The following SUMF1 variants were observed in gnomAD, a reference collection of about 807,000 sequenced individuals.
SUMF1 encodes formylglycine-generating enzyme.
In SUMF1, 48 loss-of-function variants were observed where a neutral mutation model predicts 47.6. The observed-to-expected ratio is 1.01, with a 90% CI of 0.80 to 1.28. The LOEUF (loss-of-function observed/expected upper bound fraction) is 1.28, where lower values mean the gene tolerates loss of function less well. Among genes scored for constraint, SUMF1 ranks in the 50% most tolerant of loss-of-function variants. The pLI is 0.00. For missense variants in SUMF1, 571 were observed against 485.4 expected, an observed-to-expected ratio of 1.18 and a Z score of -1.66; for synonymous variants, 230 against 192.1, an observed-to-expected ratio of 1.20 and a Z score of -1.63.
chr3:4,175,578 G>T (rs1011708328), intron 8 of SUMF1, among the ~76,000 whole-genome samples: 1 of 152,130 alleles, frequency 6.6e-6, no homozygotes, highest in African/African-American at 2.4e-5. Flanking sequence ...CCACAAAGAT[G>T]GGGAGAAACC....
At chr3:4,092,629 C>T (rs371162935) in intron 8 of SUMF1, among the ~76,000 whole-genome samples, 1 of 152,202 alleles carries the variant, frequency 6.6e-6, no homozygotes, top group East Asian at 1.9e-4. Flanking sequence ...ACAAGAAAAA[C>T]AACGAAAGTG....
At chr3:4,346,025 A>G (rs1348672590) in intron 8 of SUMF1, among the ~76,000 whole-genome samples, 2 of 151,716 alleles carry the variant, frequency 1.3e-5, no homozygotes, top group Middle Eastern at 6.3e-3. Context: ...CAGATTCATA[A>G]AACAAATTTT....
intron 8 of SUMF1, among the ~76,000 whole-genome samples, chr3:4,217,526 A>AAAATATATATATATTTCATATATATATAT (rs1553610100): frequency 1.0e-5 from 1 of 98,592 alleles, no homozygotes. Flanking sequence ...ATATATATAT[A>AAAATATATATATATTTCATATATATATAT]TATATATATA....
chr3:4,343,222 G>A (rs891988905), intron 8 of SUMF1, among the ~76,000 whole-genome samples: 6 of 152,154 alleles, frequency 3.9e-5, no homozygotes, highest in South Asian at 4.1e-4. Context: ...TACAGAACAC[G>A]ATTTTTTAAC....
chr3:4,458,839 G>A (rs1207113218), intron 1 of SUMF1, among the ~76,000 whole-genome samples: 1 of 152,106 alleles, frequency 6.6e-6, no homozygotes, highest in Non-Finnish European at 1.5e-5. Context: ...CTGGGCAACA[G>A]AGCTAGATTC....
At chr3:4,426,690 C>G (rs770721335) in intron 3 of SUMF1, among the ~76,000 whole-genome samples, 13 of 152,204 alleles carry the variant, frequency 8.5e-5, no homozygotes, top group Non-Finnish European at 1.9e-4. Flanking sequence ...AGAGCAGAAG[C>G]AGCAGCATGA....
At chr3:4,375,304 A>G (rs144182884) in intron 8 of SUMF1, among the ~76,000 whole-genome samples, 133 of 152,226 alleles carry the variant, frequency 8.7e-4, no homozygotes, top group Middle Eastern at 6.8e-3. Flanking sequence ...ACAAACTCAC[A>G]TATATACATA....
intron 8 of SUMF1, among the ~76,000 whole-genome samples, chr3:4,211,438 C>A (rs1574982102): frequency 2.0e-5 from 3 of 151,422 alleles, no homozygotes; most frequent in Admixed American, 6.6e-5. Context: ...ATTTTCTATT[C>A]CTGCATTAGT....
chr3:4,084,865 T>C (rs1235404731), intron 8 of SUMF1, among the ~76,000 whole-genome samples: 1 of 152,114 alleles, frequency 6.6e-6, no homozygotes, highest in East Asian at 1.9e-4. Flanking sequence ...AGGACCATTA[T>C]CCCTCAGAAG....
At chr3:4,122,075 T>C (rs1343364557) in intron 8 of SUMF1, among the ~76,000 whole-genome samples, 4 of 152,168 alleles carry the variant, frequency 2.6e-5, no homozygotes, top group Admixed American at 1.3e-4. Context: ...CATGGTATTC[T>C]ATGATGTGTA....
At chr3:4,145,107 G>A (rs1296805639) in intron 8 of SUMF1, among the ~76,000 whole-genome samples, 4 of 149,960 alleles carry the variant, frequency 2.7e-5, no homozygotes, top group Non-Finnish European at 4.4e-5. Flanking sequence ...GCTGAGGCAG[G>A]AGATGAACCC....
chr3:4,443,374 GAAGTC>G (rs1410081415), intron 3 of SUMF1, among the ~76,000 whole-genome samples: 20 of 152,252 alleles, frequency 1.3e-4, no homozygotes, highest in Admixed American at 1.0e-3. Context: ...ATGAGGTAGA[GAAGTC>G]AAGTAGCAAC....
At chr3:4,226,264 CTTTTTTTT>C (rs869300368) in intron 8 of SUMF1, among the ~76,000 whole-genome samples, 2 of 86,988 alleles carry the variant, frequency 2.3e-5, no homozygotes, top group African/African-American at 9.0e-5. Context: ...TTTTTTGTTT[CTTTTTTTT>C]TTTTTTTTTT....
chr3:4,072,978 T>C lies in SUMF1; in HGVS notation c.1015-4233A>G, dbSNP rs980181518. Among the ~76,000 whole-genome samples the C allele has an allele frequency of 7.2e-5, 11 of 152,120 alleles. No individual in the cohort carries two copies. The Middle Eastern group carries it at 0.01, about 141-fold the overall frequency. The stretch of plus-strand genomic sequence containing the variant: ...GGCCAACATTCAAATTCAGGAAATA[T>C]AGAGAACACCACAAAGATATTCCTC... On this transcript the variant is annotated intron_variant and NMD_transcript_variant, in intron 8 of 12. Transcript: ENST00000448413.
chr3:4,099,569 C>G (rs1457305177), intron 8 of SUMF1, among the ~76,000 whole-genome samples: 1 of 152,104 alleles, frequency 6.6e-6, no homozygotes, highest in Non-Finnish European at 1.5e-5. Flanking sequence ...GATGGCTACT[C>G]TAACTACTTC....
At chr3:4,460,598 C>G (rs1053083536) in intron 1 of SUMF1, among the ~76,000 whole-genome samples, 1 of 136,368 alleles carries the variant, frequency 7.3e-6, no homozygotes, top group Admixed American at 7.3e-5. Context: ...CTCACACACA[C>G]AGTGTGTGTG....
At chr3:4,312,849 G>A in intron 8 of SUMF1, 1 of 1,537,840 alleles carries the variant, frequency 6.5e-7, no homozygotes, top group Non-Finnish European at 8.7e-7. Flanking sequence ...GAATATATAG[G>A]AAATATATGA....
At chr3:4,251,678 C>T (rs1024741672) in intron 8 of SUMF1, among the ~76,000 whole-genome samples, 1 of 152,138 alleles carries the variant, frequency 6.6e-6, no homozygotes. Flanking sequence ...TGAAGCTAGG[C>T]TTCTCTCTAG....
At chr3:4,348,322 A>T (rs1418771507) in intron 8 of SUMF1, among the ~76,000 whole-genome samples, 2 of 152,236 alleles carry the variant, frequency 1.3e-5, no homozygotes, top group Non-Finnish European at 2.9e-5. Context: ...ACTGGTACCA[A>T]AACAGACATA....
Sources: gnomAD v4.1 joint callset for allele counts (sites outside exome capture counted in the v4.1 genomes callset) on GRCh38, gnomAD v4.1.1 for gene constraint, MANE v1.5 for transcripts, NCBI Gene and HGNC (gene_info 2026-07-23, HGNC 2026-07-21) for gene names.